Variants in ARHGAP21 observed in about 807,000 individuals in gnomAD.
ARHGAP21 encodes the protein rho GTPase-activating protein 21.
ARHGAP21 carries 38 observed loss-of-function variants against 164.6 expected under a neutral mutation model. The observed-to-expected ratio is 0.23, with a 90% CI of 0.18 to 0.30. The LOEUF (loss-of-function observed/expected upper bound fraction) is 0.30, where lower values mean the gene tolerates loss of function less well. Among genes scored for constraint, ARHGAP21 ranks in the 10% least tolerant of loss-of-function variants. ARHGAP21 has a pLI of 1.00. For synonymous variants in ARHGAP21, 766 were observed against 857.9 expected, an observed-to-expected ratio of 0.89 and a Z score of 1.87; for missense variants, 1,822 against 2,370.7, an observed-to-expected ratio of 0.77 and a Z score of 4.81.
intron 25 of ARHGAP21, among the ~76,000 whole-genome samples, chr10:24,587,138 T>A (rs1178906229): frequency 6.6e-6 from 1 of 152,110 alleles, no homozygotes. Context: ...ATTTGCTATG[T>A]ATAATAGGTT....
At chr10:24,617,878 G>T (rs902739296) in intron 9 of ARHGAP21, among the ~76,000 whole-genome samples, 1 of 146,740 alleles carries the variant, frequency 6.8e-6, no homozygotes, top group Non-Finnish European at 1.5e-5. Flanking sequence ...TGGGACACCA[G>T]GGGGACTACA....
chr10:24,697,808 G>A (rs577952688), intron 2 of ARHGAP21, among the ~76,000 whole-genome samples: 18 of 151,840 alleles, frequency 1.2e-4, no homozygotes, highest in South Asian at 4.2e-4. Context: ...TGCAGTGAGC[G>A]CAGATCGCAC....
rs1428083619 is a variant in ARHGAP21, at chr10:24,591,278, T to C, written c.4097A>G (p.Asp1366Gly). 4 of 1,612,978 alleles carry C rather than the reference T, an allele frequency of 2.5e-6. No individual in the cohort carries two copies. In the South Asian group the frequency reaches 3.3e-5, roughly 13 times the overall value. ...TVDSQPVPNI[D>G]HLLTNIGRTG... ...CCTTCCAATGTTGGTGAGTAAATGA[T>C]CTATGTTTGGCACTGGCTGGGAGTC... Residue 1366 changes from aspartate to glycine, a missense_variant, in exon 24 of 26, where the codon GAT becomes GGT. Transcript: ENST00000396432.
chr10:24,620,023 A>G lies in ARHGAP21; in HGVS notation c.1872T>C (p.Asn624=), dbSNP rs755805256. ...DRSPLVKVRS[N]SLKAPSTHVT... ...CATGCGTGGAAGGAGCTTTCAGAGA[A>G]TTACTTCGGACTTTCACAAGAGGTG... The change falls in exon 9 of 26, where the codon AAT becomes AAC. Residue 624 remains asparagine (N), a synonymous_variant. Transcript: ENST00000396432. 37 of 1,613,876 alleles carry G rather than the reference A, an allele frequency of 2.3e-5. No homozygotes were observed. Among genetic ancestry groups the G allele is most frequent in the Non-Finnish European group, 3.1e-5 (36 of 1,179,880 alleles).
intron 4 of ARHGAP21, among the ~76,000 whole-genome samples, chr10:24,665,679 A>G (rs1840120415): frequency 6.6e-6 from 1 of 152,238 alleles, no homozygotes; most frequent in African/African-American, 2.4e-5. Flanking sequence ...TAATTGGGAT[A>G]GTGATTTCAC....
Position 24,585,576 on chromosome 10 carries a change from C to T in ARHGAP21, c.4713G>A (p.Thr1571=), listed in dbSNP as rs759610771. 10 of 1,614,020 alleles carry T rather than the reference C, an allele frequency of 6.2e-6. No individual in the cohort carries two copies. Among genetic ancestry groups the T allele is most frequent in the African/African-American group, 4.0e-5 (3 of 74,896 alleles). ...CGTTGGCCAAAAACTCGCTATGTTT[C>T]GTTTCTGGACTGGTTGATTTCTTCA... ...FSMKKSTSPE[T]KHSEFLANVS... is the part of the protein sequence containing the mutation. The change falls in exon 26 of 26, where the codon ACG becomes ACA. Residue 1571 remains threonine, a synonymous_variant. Transcript: ENST00000396432.
chr10:24,693,338 CTT>C (rs1298784170), intron 2 of ARHGAP21, among the ~76,000 whole-genome samples: 6 of 146,152 alleles, frequency 4.1e-5, no homozygotes, highest in Non-Finnish European at 4.5e-5. Context: ...AAATCTAAAA[CTT>C]TTTTTTTTTT....
intron 2 of ARHGAP21, among the ~76,000 whole-genome samples, chr10:24,721,030 C>T (rs1016343290): frequency 1.3e-4 from 19 of 151,266 alleles, no homozygotes; most frequent in Non-Finnish European, 1.9e-4. Context: ...AGAGTATATG[C>T]GTGTCATAAA....
chr10:24,646,228 G>A (rs937908761), intron 4 of ARHGAP21, among the ~76,000 whole-genome samples: 3 of 151,988 alleles, frequency 2.0e-5, no homozygotes, highest in Non-Finnish European at 4.4e-5. Context: ...TATGAATCAC[G>A]TACTTTCAAT....
At chr10:24,597,796 T>C in intron 15 of ARHGAP21, 149 bp downstream of exon 15, 1 of 1,059,688 alleles carries the variant, frequency 9.4e-7, no homozygotes, top group East Asian at 2.5e-5. Flanking sequence ...CCCATTACTA[T>C]ATGGGAAAAA....
At chr10:24,590,461 T>C (rs765436314) in intron 24 of ARHGAP21, 9 of 1,535,372 alleles carry the variant, frequency 5.9e-6, no homozygotes, top group South Asian at 2.4e-5. Context: ...TACCGTGTGA[T>C]AGACTCCTCC....
rs779916813 is a variant in ARHGAP21 at position 24,620,870 on chromosome 10, G to C, written c.1025C>G (p.Ser342Cys). The change falls in exon 9 of 26, where the codon TCT (serine) becomes TGT (cysteine). Residue 342 changes from serine (S) to cysteine (C), a missense_variant. Around this residue, in one of 5 missense-constraint regions of ARHGAP21, gnomAD observed 1,090 missense variants for 1,378.9 expected, o/e 0.79. Transcript: ENST00000396432. ...ATTTCCAGACTTAAGTAAAATTCCA[G>C]AAGGTTCCAGTGATCTGGAGCCTGC... is the stretch of plus-strand genomic sequence containing the variant. ...QPAGSRSLEP[S>C]GILLKSGNYS... The C allele has an allele frequency of 1.2e-6, 2 of 1,613,988 alleles. No individual in the cohort carries two copies. Among genetic ancestry groups the C allele is most frequent in the African/African-American group, 1.3e-5 (1 of 75,038 alleles).
At chr10:24,701,838 T>C (rs555174026) in intron 2 of ARHGAP21, among the ~76,000 whole-genome samples, 1 of 152,324 alleles carries the variant, frequency 6.6e-6, no homozygotes, top group Non-Finnish European at 1.5e-5. Flanking sequence ...CCGCAGGCTG[T>C]ATACAAGTAT....
Position 24,598,056 on chromosome 10 carries a change from G to A in ARHGAP21, c.3133-47C>T, listed in dbSNP as rs762347036. ...GAAAATCAATTCTAAACATAAATAA[G>A]TGATCCTTACTTTTTTGAGGCTTTC... On this transcript the variant is annotated intron_variant, in intron 14 of 25. Transcript: ENST00000396432. 1.4e-5 allele frequency: 21 copies of A among 1,488,940 alleles called. No individual in the cohort carries two copies. In the Middle Eastern group the frequency reaches 5.4e-4, roughly 38 times the overall value. The allele number at this position is 1,488,940 out of a possible 1,614,324, so 92.2% of individuals were successfully genotyped here.
chr10:24,584,440 C>G lies in ARHGAP21; in HGVS notation c.5849G>C (p.Ser1950Thr), dbSNP rs1127893. 832,131 of 1,610,988 alleles carry G rather than the reference C, an allele frequency of 0.52. 215,979 individuals are homozygous for G. Among genetic ancestry groups the G allele is most frequent in the East Asian group, 0.55 (24,752 of 44,844 alleles). The change falls in exon 26 of 26, where the codon AGT (serine) becomes ACT (threonine). Residue 1950 changes from serine (S) to threonine (T), a missense_variant. Transcript: ENST00000396432. ...QPHKLSETPG[S>T]KAEFHPCL is the part of the protein sequence containing the mutation. Reference sequence around the variant, plus strand: ...AAGACAGGGATGAAACTCTGCTTTACTGCCTGGGGTTTCAGACAGTTTATG... The same window carrying G: ...AAGACAGGGATGAAACTCTGCTTTAGTGCCTGGGGTTTCAGACAGTTTATG...
intron 4 of ARHGAP21, among the ~76,000 whole-genome samples, chr10:24,642,550 C>G (rs1837181572): frequency 6.6e-6 from 1 of 150,762 alleles, no homozygotes. Context: ...GAAACAAAAT[C>G]CTTCAACAGT....
chr10:24,641,289 C>A (rs1292087133), intron 4 of ARHGAP21, among the ~76,000 whole-genome samples: 1 of 152,104 alleles, frequency 6.6e-6, no homozygotes, highest in Non-Finnish European at 1.5e-5. Context: ...ATTATTAGTC[C>A]TTTGTTTGTT....
chr10:24,669,981 T>C (rs1008080510), intron 3 of ARHGAP21, among the ~76,000 whole-genome samples: 5 of 152,228 alleles, frequency 3.3e-5, no homozygotes, highest in Non-Finnish European at 5.9e-5. Context: ...CCTTAAAAAA[T>C]GCAGATTTGG....
At chr10:24,696,473 G>C (rs550056915) in intron 2 of ARHGAP21, among the ~76,000 whole-genome samples, 1 of 152,328 alleles carries the variant, frequency 6.6e-6, no homozygotes, top group African/African-American at 2.4e-5. Flanking sequence ...TCAGCATTCA[G>C]GGGCAGTAGG....
Sources: allele counts gnomAD v4.1 joint callset (sites outside exome capture counted in the v4.1 genomes callset), GRCh38; gene constraint gnomAD v4.1.1; regional missense constraint gnomAD v4.1.1; transcripts MANE v1.5; gene names NCBI Gene and HGNC (gene_info 2026-07-23, HGNC 2026-07-21).